The following GABRB3 variants were observed in gnomAD, a reference collection of about 807,000 sequenced individuals.
GABRB3 encodes gamma-aminobutyric acid type A receptor subunit beta3.
GABRB3 carries 14 observed loss-of-function variants against 52.1 expected under a neutral mutation model. That is an observed-to-expected ratio of 0.27 (90% CI 0.18 to 0.42). GABRB3 has a LOEUF of 0.42. Among genes scored for constraint, GABRB3 ranks in the 10% least tolerant of loss-of-function variants. GABRB3 has a pLI of 1.00. For missense variants in GABRB3, 307 were observed against 609.1 expected (o/e 0.50, Z 5.22); for synonymous variants, 260 against 232.3 (o/e 1.12, Z -1.08).
intron 3 of GABRB3, among the ~76,000 whole-genome samples, chr15:26,768,018 C>T (rs869207547): frequency 7.2e-5 from 11 of 151,880 alleles, no homozygotes; most frequent in African/African-American, 2.4e-4. Flanking sequence ...CACACCTACA[C>T]ATTAAAAAAA....
At chr15:26,650,566 C>G (rs1290149938) in intron 3 of GABRB3, among the ~76,000 whole-genome samples, 1 of 151,950 alleles carries the variant, frequency 6.6e-6, no homozygotes, top group East Asian at 1.9e-4. Context: ...AGCCCCACCT[C>G]CAAGCTGAAG....
intron 3 of GABRB3, among the ~76,000 whole-genome samples, chr15:26,727,788 A>G (rs1462855798): frequency 1.3e-5 from 2 of 152,108 alleles, no homozygotes; most frequent in Non-Finnish European, 2.9e-5. Context: ...TACCAATACC[A>G]CTGATTCCAA....
chr15:26,635,254 A>T (rs1373653357), intron 3 of GABRB3, among the ~76,000 whole-genome samples: 1 of 151,736 alleles, frequency 6.6e-6, no homozygotes, highest in African/African-American at 2.4e-5. Context: ...GAACTGGGTG[A>T]ACATTACCCC....
chr15:26,773,403 C>T (rs1891217520), upstream of GABRB3, among the ~76,000 whole-genome samples: 2 of 151,112 alleles, frequency 1.3e-5, no homozygotes, highest in African/African-American at 4.8e-5. Context: ...GTCCCCTGAG[C>T]CGGCTCCTCT....
chr15:26,695,053 T>C (rs1055563326), intron 3 of GABRB3, among the ~76,000 whole-genome samples: 1 of 152,104 alleles, frequency 6.6e-6, no homozygotes, highest in Middle Eastern at 3.4e-3. Flanking sequence ...CCAAGAACCA[T>C]GGGGCAATTA....
chr15:26,671,639 T>C (rs910154613), intron 3 of GABRB3, among the ~76,000 whole-genome samples: 1 of 152,234 alleles, frequency 6.6e-6, no homozygotes, highest in Non-Finnish European at 1.5e-5. Context: ...ATAAATTTCT[T>C]ATTTGATTAG....
chr15:26,606,805 T>G (rs79869966), intron 4 of GABRB3, among the ~76,000 whole-genome samples: 1,202 of 117,462 alleles, frequency 0.01, 21 homozygotes, highest in Non-Finnish European at 0.013. Flanking sequence ...TAGATATATC[T>G]ATAGATAGAT....
intron 3 of GABRB3, among the ~76,000 whole-genome samples, chr15:26,707,138 G>A (rs1443547316): frequency 6.6e-6 from 1 of 152,198 alleles, no homozygotes; most frequent in South Asian, 2.1e-4. Flanking sequence ...GATCATAAGA[G>A]AGAAAGTATC....
chr15:26,743,598 G>A (rs1191276682), intron 3 of GABRB3, among the ~76,000 whole-genome samples: 1 of 152,230 alleles, frequency 6.6e-6, no homozygotes, highest in Non-Finnish European at 1.5e-5. Flanking sequence ...GTCTATGCCA[G>A]AGTGAAGAAA....
intron 3 of GABRB3, among the ~76,000 whole-genome samples, chr15:26,660,889 A>G (rs1242165155): frequency 6.6e-6 from 1 of 152,190 alleles, no homozygotes; most frequent in Non-Finnish European, 1.5e-5. Flanking sequence ...CCCAGGGTGA[A>G]GTGCAGTAGC....
At chr15:26,676,903 A>G (rs1261455296) in intron 3 of GABRB3, among the ~76,000 whole-genome samples, 1 of 152,182 alleles carries the variant, frequency 6.6e-6, no homozygotes, top group Non-Finnish European at 1.5e-5. Context: ...AAAAATTTAT[A>G]TAGTGACTTT....
At chr15:26,773,361 C>T (rs2140200744), upstream of GABRB3, among the ~76,000 whole-genome samples, 1 of 150,862 alleles carries the variant, frequency 6.6e-6, no homozygotes, top group Non-Finnish European at 1.5e-5. Flanking sequence ...AGCGGAGCCG[C>T]GGCTGCGCGG....
chr15:26,651,691 C>T (rs942057220), intron 3 of GABRB3, among the ~76,000 whole-genome samples: 1 of 152,172 alleles, frequency 6.6e-6, no homozygotes, highest in Non-Finnish European at 1.5e-5. Context: ...GAGTCACACC[C>T]TACAAACCAT....
chr15:26,750,561 T>C (rs78788988), intron 3 of GABRB3, among the ~76,000 whole-genome samples: 2 of 141,592 alleles, frequency 1.4e-5, no homozygotes, highest in African/African-American at 5.0e-5. Context: ...AGTTAAATAA[T>C]AAGAATCGGG....
At chr15:26,706,274 A>G (rs1001409098) in intron 3 of GABRB3, among the ~76,000 whole-genome samples, 1 of 152,182 alleles carries the variant, frequency 6.6e-6, no homozygotes, top group Non-Finnish European at 1.5e-5. Context: ...CATGCAACGA[A>G]ACAACCAGGC....
chr15:26,716,797 GA>G (rs1889484906), intron 3 of GABRB3: 3 of 1,153,426 alleles, frequency 2.6e-6, no homozygotes, highest in Admixed American at 3.7e-5. Context: ...GCCCAGCTCT[GA>G]GGACCTCCAC....
Position 26,697,217 on chromosome 15 carries a change from A to T in GABRB3, c.240+75185T>A, listed in dbSNP as rs1366360453. Among the ~76,000 whole-genome samples, 4 of 152,248 alleles carry T rather than the reference A, an allele frequency of 2.6e-5. 1 individual carries two copies. The highest frequency in any genetic ancestry group is 1.3e-4 in the Admixed American group (2 of 15,286). ...ACAAGATTATGAAAAATGTTTCTTA[A>T]GAAACACATTACCCTAAGTAATGAT... On this transcript the variant is annotated intron_variant, in intron 3 of 8. Transcript: ENST00000311550.
intron 6 of GABRB3, among the ~76,000 whole-genome samples, chr15:26,570,284 C>T (rs1017768914): frequency 3.3e-5 from 5 of 152,188 alleles, no homozygotes; most frequent in Admixed American, 6.5e-5. Context: ...TCTCCAACAC[C>T]ATCAGTAGAA....
At chr15:26,581,458 T>C (rs541349965) in intron 5 of GABRB3, among the ~76,000 whole-genome samples, 1 of 152,300 alleles carries the variant, frequency 6.6e-6, no homozygotes, top group South Asian at 2.1e-4. Flanking sequence ...TCTTTCCACA[T>C]GGTAAGTGGC....
Sources: allele counts gnomAD v4.1 joint callset (sites outside exome capture counted in the v4.1 genomes callset), GRCh38; gene constraint gnomAD v4.1.1; transcripts MANE v1.5; gene names NCBI Gene and HGNC (gene_info 2026-07-23, HGNC 2026-07-21).